Variants in RNF180 observed in about 807,000 individuals in gnomAD.
The protein encoded by RNF180 is ring finger protein 180.
Under a neutral mutation model 59.2 loss-of-function variants are expected in RNF180, and 38 were observed. The ratio of observed to expected loss-of-function variants is 0.64; its 90% CI spans 0.50 to 0.84. The LOEUF is 0.84. RNF180 is among the 40% of genes least tolerant of loss of function. RNF180 has a pLI of 0.00. For missense variants in RNF180, 705 were observed against 700.9 expected, an observed-to-expected ratio of 1.01 and a Z score of -0.07; for synonymous variants, 262 against 240.3, an observed-to-expected ratio of 1.09 and a Z score of -0.84.
chr5:64,213,599 G>A lies in RNF180; in HGVS notation c.273G>A (p.Gly91=). ...TVGKLNCPFC[G]ARLGGFNFVS... is the part of the protein sequence containing the mutation. ...GAAAACTGAATTGTCCTTTCTGTGG[G>A]GCCCGTTTAGGGGGCTTTAATTTTG... The change falls in exon 4 of 8, where the codon GGG becomes GGA. Residue 91 remains glycine (G), a synonymous_variant. Coordinates refer to ENST00000389100, the MANE Select transcript of RNF180 (RefSeq NM_001113561.2). 1 of 1,613,960 alleles carries A rather than the reference G, an allele frequency of 6.2e-7. No homozygotes were observed. Among genetic ancestry groups the A allele is most frequent in the Non-Finnish European group, 8.5e-7 (1 of 1,179,888 alleles).
rs376033981 is a variant in RNF180, at chr5:64,234,631, ACT to A, written c.1227+17238_1227+17239del. Among the ~76,000 whole-genome samples the A allele has an allele frequency of 6.1e-3, 556 of 90,538 alleles. 7 individuals are homozygous for A. Among genetic ancestry groups the A allele is most frequent in the African/African-American group, 0.023 (521 of 23,110 alleles). 59.4% of individuals were successfully genotyped at this position (90,538 alleles called of 152,430 possible). A position where few individuals can be genotyped will look rare whatever the true frequency, so the allele number is the denominator to read the frequency against. On this transcript the variant is annotated intron_variant, in intron 5 of 7. Transcript: ENST00000389100. ...TTTTTTTTTTTTGAGAAGGAGTCTC[ACT>A]CTGTCGCCCAGGCTGGAGTGCCGTG...
chr5:64,329,498 C>T (rs1744800342), intron 6 of RNF180, among the ~76,000 whole-genome samples: 1 of 148,998 alleles, frequency 6.7e-6, no homozygotes, highest in Non-Finnish European at 1.5e-5. Flanking sequence ...CACTTCTTCG[C>T]CCAGGCTGGA....
chr5:64,331,911 G>T (rs1248075559), intron 7 of RNF180, among the ~76,000 whole-genome samples: 1 of 151,936 alleles, frequency 6.6e-6, no homozygotes. Flanking sequence ...CATTTACCTC[G>T]TCCTGACTCG....
intron 4 of RNF180, among the ~76,000 whole-genome samples, chr5:64,214,872 G>T (rs1752535615): frequency 6.6e-6 from 1 of 151,612 alleles, no homozygotes; most frequent in South Asian, 2.1e-4. Context: ...TTGAAAAAAT[G>T]TTTTTTTTAA....
At chr5:64,365,661 C>T (rs1746419563) in intron 7 of RNF180, among the ~76,000 whole-genome samples, 1 of 151,558 alleles carries the variant, frequency 6.6e-6, no homozygotes, top group Admixed American at 6.6e-5. Context: ...AATCTGGGTG[C>T]TCTTGTGTTG....
chr5:64,277,223 G>C (rs1224756634), intron 5 of RNF180, among the ~76,000 whole-genome samples: 2 of 150,930 alleles, frequency 1.3e-5, no homozygotes, highest in Non-Finnish European at 3.0e-5. Flanking sequence ...CGCAGAGAGT[G>C]GAAGGAGGAA....
chr5:64,351,665 AT>A (rs1327084678), intron 7 of RNF180, among the ~76,000 whole-genome samples: 3 of 151,408 alleles, frequency 2.0e-5, no homozygotes, highest in Non-Finnish European at 4.4e-5. Context: ...AGATTATCAT[AT>A]GGTTTTTGTC....
chr5:64,318,747 C>G (rs139503942), intron 5 of RNF180, among the ~76,000 whole-genome samples: 1 of 152,070 alleles, frequency 6.6e-6, no homozygotes, highest in Non-Finnish European at 1.5e-5. Context: ...CAGCAATATA[C>G]CATCAGTTGA....
intron 1 of RNF180, among the ~76,000 whole-genome samples, chr5:64,184,781 G>A (rs568527996): frequency 6.6e-6 from 1 of 152,140 alleles, no homozygotes; most frequent in South Asian, 2.1e-4. Context: ...TCCAGGAGGG[G>A]CAGATTCTCA....
intron 5 of RNF180, among the ~76,000 whole-genome samples, chr5:64,229,291 A>G (rs1300787190): frequency 6.6e-6 from 1 of 152,144 alleles, no homozygotes; most frequent in Non-Finnish European, 1.5e-5. Context: ...TAGCTCTTAA[A>G]TTCTGTACTT....
chr5:64,199,544 A>G (rs1487710244), intron 1 of RNF180, among the ~76,000 whole-genome samples: 1 of 152,180 alleles, frequency 6.6e-6, no homozygotes, highest in Admixed American at 6.5e-5. Context: ...AAAACTGTTG[A>G]TCTGTAGCAT....
At chr5:64,350,625 A>C (rs995988678) in intron 7 of RNF180, among the ~76,000 whole-genome samples, 1 of 152,230 alleles carries the variant, frequency 6.6e-6, no homozygotes, top group East Asian at 1.9e-4. Context: ...CTTTCTACAT[A>C]TGGCTAGCCA....
At position 64,343,055 on chromosome 5, in the gene RNF180, A is replaced by G. The variant is rs545852363; in HGVS notation, c.1579+12649A>G. On this transcript the variant is annotated intron_variant, in intron 7 of 7. Coordinates refer to ENST00000389100, the MANE Select transcript of RNF180 (RefSeq NM_001113561.2). ...CAGTCCTCTCTGGAGGGAAATATCA[A>G]CTTCAGTCTCCATGGATCTTTCATA... is the stretch of plus-strand genomic sequence containing the variant. Among the ~76,000 whole-genome samples, 224 of 152,246 alleles carry G rather than the reference A, an allele frequency of 1.5e-3. 1 individual carries two copies. Among genetic ancestry groups the G allele is most frequent in the African/African-American group, 5.2e-3 (215 of 41,570 alleles).
chr5:64,343,784 A>G (rs1373131517), intron 7 of RNF180, among the ~76,000 whole-genome samples: 5 of 151,616 alleles, frequency 3.3e-5, no homozygotes, highest in African/African-American at 4.8e-5. Flanking sequence ...ATATCCTTAA[A>G]AAATGAAGGT....
intron 1 of RNF180, among the ~76,000 whole-genome samples, chr5:64,175,303 G>C (rs1750175017): frequency 6.6e-6 from 1 of 151,934 alleles, no homozygotes; most frequent in Non-Finnish European, 1.5e-5. Context: ...TTTTTCATAT[G>C]GTAGAAGACG....
intron 5 of RNF180, among the ~76,000 whole-genome samples, chr5:64,238,036 A>C (rs879307649): frequency 5.3e-5 from 8 of 152,190 alleles, no homozygotes; most frequent in African/African-American, 1.4e-4. Context: ...GAACAGACTA[A>C]TACAGTCTAT....
At chr5:64,310,714 T>G (rs1038733102) in intron 5 of RNF180, among the ~76,000 whole-genome samples, 2 of 151,934 alleles carry the variant, frequency 1.3e-5, no homozygotes, top group Admixed American at 6.6e-5. Flanking sequence ...CTCCATCTTC[T>G]AGCTCTATCA....
intron 5 of RNF180, among the ~76,000 whole-genome samples, chr5:64,291,952 G>C (rs1742611545): frequency 6.6e-6 from 1 of 151,956 alleles, no homozygotes; most frequent in Non-Finnish European, 1.5e-5. Context: ...GTTATATTGT[G>C]AATTTCTTAT....
intron 5 of RNF180, among the ~76,000 whole-genome samples, chr5:64,278,548 T>C (rs1035471391): frequency 6.6e-6 from 1 of 152,142 alleles, no homozygotes. Flanking sequence ...ATAAGAAAAG[T>C]TAAGCAAGTA....
Sources: allele counts gnomAD v4.1 joint callset (sites outside exome capture counted in the v4.1 genomes callset), GRCh38; gene constraint gnomAD v4.1.1; transcripts MANE v1.5; gene names NCBI Gene and HGNC (gene_info 2026-07-23, HGNC 2026-07-21).